Variants in CADM2 observed in about 807,000 individuals in gnomAD.
The protein encoded by CADM2 is cell adhesion molecule 2.
CADM2 carries 12 observed loss-of-function variants against 49.8 expected under a neutral mutation model. The observed-to-expected ratio is 0.24, with a 90% CI of 0.15 to 0.39. The LOEUF is 0.39. Ranked by LOEUF, CADM2 falls within the 10% of genes least tolerant of loss-of-function variation. CADM2 has a pLI of 1.00. For synonymous variants in CADM2, 214 were observed against 175.4 expected, an observed-to-expected ratio of 1.22 and a Z score of -1.74; for missense variants, 378 against 492.3, an observed-to-expected ratio of 0.77 and a Z score of 2.20.
At chr3:85,965,164 T>C (rs1725314083) in intron 8 of CADM2, among the ~76,000 whole-genome samples, 1 of 151,118 alleles carries the variant, frequency 6.6e-6, no homozygotes, top group African/African-American at 2.4e-5. Flanking sequence ...TAGGGAGCTA[T>C]AGTAAGATGG....
intron 1 of CADM2, among the ~76,000 whole-genome samples, chr3:85,483,688 T>G (rs148441826): frequency 2.5e-3 from 374 of 150,446 alleles, no homozygotes; most frequent in African/African-American, 8.6e-3. Context: ...GGAACATATC[T>G]AATGCCGTAT....
intron 1 of CADM2, among the ~76,000 whole-genome samples, chr3:85,144,918 T>C (rs1283189970): frequency 1.3e-5 from 2 of 152,172 alleles, no homozygotes; most frequent in African/African-American, 2.4e-5. Context: ...CTTAGTGAAA[T>C]TTATCAATAC....
intron 1 of CADM2, among the ~76,000 whole-genome samples, chr3:85,214,520 G>A (rs1219078599): frequency 6.6e-6 from 1 of 151,866 alleles, no homozygotes; most frequent in African/African-American, 2.4e-5. Flanking sequence ...TTCCCTTCAG[G>A]GTGATGAATC....
At chr3:85,548,362 T>A (rs1227938088) in intron 1 of CADM2, among the ~76,000 whole-genome samples, 2 of 151,522 alleles carry the variant, frequency 1.3e-5, no homozygotes, top group Non-Finnish European at 2.9e-5. Context: ...GTCTAAGATG[T>A]TTAGCTAATA....
At chr3:85,773,187 T>C in intron 2 of CADM2, among the ~76,000 whole-genome samples, 1 of 151,998 alleles carries the variant, frequency 6.6e-6, no homozygotes, top group East Asian at 1.9e-4. Context: ...CCTGTCAAAA[T>C]GTCATAGTCA....
chr3:85,726,345 C>T, intron 1 of CADM2, 177 bp from the exon 2 acceptor site: 1 of 650,118 alleles, frequency 1.5e-6, no homozygotes, highest in South Asian at 1.9e-5. Flanking sequence ...AAGGATCTTA[C>T]TCATAACACT....
chr3:85,396,502 A>C (rs2034798609), intron 1 of CADM2, among the ~76,000 whole-genome samples: 1 of 152,042 alleles, frequency 6.6e-6, no homozygotes, highest in Non-Finnish European at 1.5e-5. Context: ...TTATTGCAGC[A>C]ACAAATCCTG....
At chr3:85,011,088 TC>T (rs2033971649) in intron 1 of CADM2, among the ~76,000 whole-genome samples, 1 of 151,878 alleles carries the variant, frequency 6.6e-6, no homozygotes, top group South Asian at 2.1e-4. Flanking sequence ...ATGGTCTGGA[TC>T]TCCTGACCTC....
intron 1 of CADM2, among the ~76,000 whole-genome samples, chr3:85,158,130 A>C (rs2040198598): frequency 6.6e-6 from 1 of 152,230 alleles, no homozygotes; most frequent in Non-Finnish European, 1.5e-5. Flanking sequence ...GCAAATCGAA[A>C]CCACAATGAG....
intron 1 of CADM2, among the ~76,000 whole-genome samples, chr3:85,305,279 G>C (rs2044186461): frequency 6.6e-6 from 1 of 151,250 alleles, no homozygotes; most frequent in Admixed American, 6.6e-5. Context: ...AGCTATATTT[G>C]GAATTCAAAA....
intron 1 of CADM2, among the ~76,000 whole-genome samples, chr3:85,353,368 A>G (rs1426199007): frequency 1.3e-5 from 2 of 152,058 alleles, no homozygotes; most frequent in Non-Finnish European, 2.9e-5. Flanking sequence ...TATAATTTTC[A>G]TGTTTACCTT....
chr3:85,681,923 A>G (rs572394499), intron 1 of CADM2, among the ~76,000 whole-genome samples: 2 of 152,256 alleles, frequency 1.3e-5, no homozygotes, highest in East Asian at 1.9e-4. Context: ...TTTTGGAGGT[A>G]GATAAATGTG....
At chr3:85,677,270 A>G (rs2065911783) in intron 1 of CADM2, among the ~76,000 whole-genome samples, 1 of 152,148 alleles carries the variant, frequency 6.6e-6, no homozygotes, top group African/African-American at 2.4e-5. Flanking sequence ...ACTTGAATAT[A>G]TTTTTAGCTT....
rs542564480 is a variant in CADM2 at position 85,460,533 on chromosome 3, A to G, written c.62-265989A>G. ...AGTTTTTGAAGGAGGTATGAAGGTT[A>G]TAGGCATACTCTCTAATTATTGGTT... On this transcript the variant is annotated intron_variant, in intron 1 of 9. Transcript: ENST00000383699. Among the ~76,000 whole-genome samples the G allele has an allele frequency of 2.0e-5, 3 of 152,312 alleles. No individual in the cohort carries two copies. The South Asian group carries it at 6.2e-4, about 32-fold the overall frequency.
intron 1 of CADM2, among the ~76,000 whole-genome samples, chr3:85,651,374 C>T (rs2065037681): frequency 6.6e-6 from 1 of 152,072 alleles, no homozygotes; most frequent in African/African-American, 2.4e-5. Context: ...ATTCGTACTC[C>T]ACCCATTCAG....
At chr3:85,692,852 T>C (rs905409195) in intron 1 of CADM2, among the ~76,000 whole-genome samples, 1 of 152,228 alleles carries the variant, frequency 6.6e-6, no homozygotes, top group African/African-American at 2.4e-5. Context: ...ATTAAGCTTA[T>C]TTTGATGACT....
intron 3 of CADM2, among the ~76,000 whole-genome samples, chr3:85,877,536 G>T (rs1377020373): frequency 1.3e-5 from 2 of 151,960 alleles, no homozygotes; most frequent in Non-Finnish European, 2.9e-5. Flanking sequence ...AAACCGTAAG[G>T]TAAAATGAAA....
chr3:85,408,010 C>CAAAAAAAAAAAAAAAAAAAA (rs372349246), intron 1 of CADM2, among the ~76,000 whole-genome samples: 271 of 56,122 alleles, frequency 4.8e-3, no homozygotes, highest in East Asian at 7.4e-3. Context: ...AAAACAAAAC[C>CAAAAAAAAAAAAAAAAAAAA]AAAAAAAAAA....
At chr3:85,777,325 A>G (rs985833168) in intron 2 of CADM2, among the ~76,000 whole-genome samples, 2 of 151,730 alleles carry the variant, frequency 1.3e-5, no homozygotes, top group East Asian at 1.9e-4. Context: ...GCGTGATCTC[A>G]GCTCACTGCA....
Sources: allele counts gnomAD v4.1 joint callset (sites outside exome capture counted in the v4.1 genomes callset), GRCh38; gene constraint gnomAD v4.1.1; transcripts MANE v1.5; gene names NCBI Gene and HGNC (gene_info 2026-07-23, HGNC 2026-07-21).